The following HCLS1 variants were observed in gnomAD, a reference collection of about 807,000 sequenced individuals.
HCLS1 encodes hematopoietic lineage cell-specific protein.
A neutral mutation model predicts 68.6 loss-of-function variants in HCLS1; 44 were observed. The observed-to-expected ratio is 0.64, with a 90% CI of 0.50 to 0.82. HCLS1 has a LOEUF of 0.82. Among genes scored for constraint, HCLS1 ranks in the 40% least tolerant of loss-of-function variants. The pLI is 0.00. For missense variants in HCLS1, 602 were observed against 612.1 expected (o/e 0.98, Z 0.17); for synonymous variants, 217 against 225.8 (o/e 0.96, Z 0.35).
At chr3:121,632,230 G>A (rs1363259827) in intron 12 of HCLS1, 46 bp from the exon 13 acceptor site, 3 of 1,606,696 alleles carry the variant, frequency 1.9e-6, no homozygotes, top group Non-Finnish European at 2.6e-6. Context: ...CATGAAGAAG[G>A]CAAACAGAGA....
chr3:121,641,789 T>C (rs2049200945), intron 6 of HCLS1, among the ~76,000 whole-genome samples: 1 of 151,866 alleles, frequency 6.6e-6, no homozygotes, highest in East Asian at 1.9e-4. Context: ...ATTCAAAAAC[T>C]TGATCAATAT....
chr3:121,657,201 C>A (rs1332639267), intron 3 of HCLS1, 78 bp downstream of exon 3: 7 of 1,234,144 alleles, frequency 5.7e-6, no homozygotes, highest in Non-Finnish European at 2.3e-6. Context: ...TCCTCCCTCA[C>A]CTTCCCCCAA....
rs141271409 is a variant in HCLS1, at chr3:121,658,735, C to A, written c.1-388G>T. ...TGCTATAATATCCCTAGAATTATGG[C>A]CTTATTTCACTCAGGTTTCTATATA... On this transcript the variant is annotated intron_variant, in intron 1 of 13. Transcript: ENST00000314583. Among the ~76,000 whole-genome samples the A allele has an allele frequency of 5.1e-3, 776 of 152,316 alleles. 8 individuals carry two copies. Among genetic ancestry groups the A allele is most frequent in the African/African-American group, 0.016 (669 of 41,566 alleles).
rs373343888 is a variant in HCLS1, at chr3:121,637,596, A to T, written c.455-340T>A. Among the ~76,000 whole-genome samples the T allele has an allele frequency of 1.7e-3, 257 of 152,252 alleles. 8 individuals carry two copies. The South Asian group carries it at 0.052, about 31-fold the overall frequency. ...ATGTATGCCTTTCCCCTACTCCCATATAAGCACATAGAAATGTCAGATAAA... is the reference window on the plus strand; with the variant it reads ...ATGTATGCCTTTCCCCTACTCCCATTTAAGCACATAGAAATGTCAGATAAA... On this transcript the variant is annotated intron_variant, in intron 6 of 13. Coordinates refer to ENST00000314583, the MANE Select transcript of HCLS1 (RefSeq NM_005335.6).
At chr3:121,652,409 T>C (rs1220714328) in intron 3 of HCLS1, among the ~76,000 whole-genome samples, 2 of 152,226 alleles carry the variant, frequency 1.3e-5, no homozygotes, top group Non-Finnish European at 2.9e-5. Context: ...ATCCCAGCAC[T>C]GTAGGAGGCC....
rs2049215389 is a variant in HCLS1, at chr3:121,642,956, C to T, written c.425G>A (p.Gly142Glu). The T allele has an allele frequency of 3.7e-6, 6 of 1,613,222 alleles. No homozygotes were observed. The highest frequency in any genetic ancestry group is 2.7e-5 in the African/African-American group (2 of 75,016). Reference sequence around the variant, plus strand: ...CTGAGATGTGTGCTTCTCCACTTCTCCTTTATAATCAAAGCCGACTGCTGA... The same window carrying T: ...CTGAGATGTGTGCTTCTCCACTTCTTCTTTATAATCAAAGCCGACTGCTGA... ...DKSAVGFDYK[G>E]EVEKHTSQKD... Residue 142 changes from glycine to glutamate, a missense_variant, in exon 6 of 14, where the codon GGA becomes GAA. By Grantham distance (98) the Gly-to-Glu change is moderately conservative. Transcript: ENST00000314583.
At chr3:121,636,590 T>C (rs530195536) in intron 7 of HCLS1, 101 bp from the exon 8 acceptor site, 39 of 888,236 alleles carry the variant, frequency 4.4e-5, no homozygotes, top group Non-Finnish European at 6.4e-5. Context: ...AAAACAAATG[T>C]AGGAGGAAAT....
intron 3 of HCLS1, chr3:121,656,750 T>G (rs755732373): frequency 6.6e-6 from 1 of 152,320 alleles, no homozygotes; most frequent in Non-Finnish European, 1.5e-5. Flanking sequence ...TTTTAAAAGT[T>G]ATTTGGGCCA....
chr3:121,634,195 C>A lies in HCLS1; in HGVS notation c.903+12G>T. ...GATCCTGGATGTGGATCCCAGAGGG[C>A]CAGGCGCTCACCTCTGAGGAGATTT... On this transcript the variant is annotated intron_variant, in intron 10 of 13. Coordinates refer to ENST00000314583, the MANE Select transcript of HCLS1 (RefSeq NM_005335.6). The A allele has an allele frequency of 6.2e-7, 1 of 1,613,924 alleles. No homozygotes were observed. Among genetic ancestry groups the A allele is most frequent in the Admixed American group, 1.7e-5 (1 of 60,024 alleles).
chr3:121,637,616 G>A (rs1378455936), intron 6 of HCLS1, among the ~76,000 whole-genome samples: 1 of 152,094 alleles, frequency 6.6e-6, no homozygotes, highest in Non-Finnish European at 1.5e-5. Flanking sequence ...AGAAATGTCA[G>A]ATAAAACATA....
At chr3:121,636,645 A>G (rs56404875) in intron 7 of HCLS1, among the ~76,000 whole-genome samples, 156 bp from the exon 8 acceptor site, 1,988 of 152,306 alleles carry the variant, frequency 0.013, 19 homozygotes, top group Non-Finnish European at 0.018. Context: ...GAAGAGAGGG[A>G]AACAGATGGG....
At chr3:121,657,212 G>A in intron 3 of HCLS1, 67 bp downstream of exon 3, 1 of 1,354,774 alleles carries the variant, frequency 7.4e-7, no homozygotes, top group Non-Finnish European at 1.0e-6. Flanking sequence ...CTTCCCCCAA[G>A]TCTCCGAGTT....
intron 9 of HCLS1, 58 bp downstream of exon 9, chr3:121,635,677 G>A (rs924376802): frequency 7.3e-7 from 1 of 1,377,848 alleles, no homozygotes; most frequent in Non-Finnish European, 1.0e-6. Flanking sequence ...GTCTGGGGAA[G>A]AAAAAGAATG....
rs1487817395 is a variant in HCLS1 at position 121,631,647 on chromosome 3, A to G, written c.*199T>C. The G allele has an allele frequency of 3.2e-5, 19 of 585,496 alleles. No homozygotes were observed. The highest frequency in any genetic ancestry group is 5.2e-5 in the Non-Finnish European group (17 of 329,462). 36.3% of individuals were successfully genotyped at this position (585,496 alleles called of 1,614,324 possible). On this transcript the variant is annotated 3_prime_UTR_variant, in exon 14 of 14. Transcript: ENST00000314583. ...ACACAAGAGAAATGTTCATGAGCTCATCCAGGATAGAGAGGACTCTTGGGG... is the reference window on the plus strand; with the variant it reads ...ACACAAGAGAAATGTTCATGAGCTCGTCCAGGATAGAGAGGACTCTTGGGG...
chr3:121,641,997 G>C (rs959064202), intron 6 of HCLS1, among the ~76,000 whole-genome samples: 1 of 146,884 alleles, frequency 6.8e-6, no homozygotes, highest in African/African-American at 2.5e-5. Flanking sequence ...GGAGAATGGC[G>C]TGAACCCGGA....
intron 3 of HCLS1, among the ~76,000 whole-genome samples, chr3:121,650,373 CT>C (rs201700737): frequency 0.11 from 16,219 of 142,118 alleles, 908 homozygotes; most frequent in South Asian, 0.17. Flanking sequence ...TCTTTTGTTT[CT>C]TTTTTTTTTT....
chr3:121,656,049 A>T (rs1576222098), intron 3 of HCLS1: 1 of 151,810 alleles, frequency 6.6e-6, no homozygotes, highest in Non-Finnish European at 1.5e-5. Flanking sequence ...GGGTTTCATC[A>T]TGTTGCCCAT....
Position 121,632,513 on chromosome 3 carries a change from C to T in HCLS1, c.1059G>A (p.Gln353=), listed in dbSNP as rs1026060313. The change falls in exon 12 of 14, where the codon CAG becomes CAA. Residue 353 remains glutamine, a synonymous_variant. Transcript: ENST00000314583. ...CTTCGTACACTGGCTCTTCCTCCAC[C>T]TGGAGGCCTTCCAGAGTCCTAGGGG... ...ALPPRTLEGL[Q]VEEEPVYEAE... 3 of 1,613,786 alleles carry T rather than the reference C, an allele frequency of 1.9e-6. No homozygotes were observed. In the African/African-American group the frequency reaches 4.0e-5, roughly 22 times the overall value.
At position 121,631,984 on chromosome 3, in the gene HCLS1, T is replaced by C; in HGVS notation, c.1325-2A>G. ...CAAAGGAAAGCTCATCACTTCCCTC[T>C]GGGGAGAAAGTTGAGGGGATATTAG... is the stretch of plus-strand genomic sequence containing the variant. On this transcript the variant is annotated splice_acceptor_variant, in intron 13 of 13. Transcript: ENST00000314583. LOFTEE classifies it high-confidence loss of function. 2 of 1,614,196 alleles carry C rather than the reference T, an allele frequency of 1.2e-6. No homozygotes were observed. The highest frequency in any genetic ancestry group is 1.7e-6 in the Non-Finnish European group (2 of 1,180,042).
Sources: allele counts gnomAD v4.1 joint callset (sites outside exome capture counted in the v4.1 genomes callset), GRCh38; gene constraint gnomAD v4.1.1; transcripts MANE v1.5; gene names NCBI Gene and HGNC (gene_info 2026-07-23, HGNC 2026-07-21).